SLCO2A1: variants seen among roughly 807,000 people sequenced by gnomAD.
SLCO2A1 encodes matrin F/G 1.
In SLCO2A1, 60 loss-of-function variants were observed where a neutral mutation model predicts 71.7. The ratio of observed to expected loss-of-function variants is 0.84; its 90% CI spans 0.68 to 1.04. SLCO2A1 has a LOEUF of 1.04. Ranked by LOEUF, SLCO2A1 falls within the 50% of genes least tolerant of loss-of-function variation. The pLI is 0.00. For synonymous variants in SLCO2A1, 308 were observed against 326.7 expected (o/e 0.94, Z 0.62); for missense variants, 745 against 813.4 (o/e 0.92, Z 1.02).
intron 2 of SLCO2A1, among the ~76,000 whole-genome samples, chr3:133,977,355 C>G (rs1934484409): frequency 6.6e-6 from 1 of 152,170 alleles, no homozygotes; most frequent in Non-Finnish European, 1.5e-5. Flanking sequence ...AAATATTAAG[C>G]TCTTTCATTG....
At chr3:133,939,393 G>C (rs1303098469) in intron 11 of SLCO2A1, among the ~76,000 whole-genome samples, 2 of 152,174 alleles carry the variant, frequency 1.3e-5, no homozygotes, top group African/African-American at 4.8e-5. Flanking sequence ...AGGACTCTCT[G>C]TGCTCTGAGC....
intron 1 of SLCO2A1, among the ~76,000 whole-genome samples, chr3:134,018,644 C>T (rs1935510985): frequency 6.6e-6 from 1 of 152,146 alleles, no homozygotes; most frequent in African/African-American, 2.4e-5. Context: ...TGGCAGCAGT[C>T]ATCAACCACT....
chr3:133,970,068 C>T (rs1490151914), intron 3 of SLCO2A1, among the ~76,000 whole-genome samples: 1 of 152,202 alleles, frequency 6.6e-6, no homozygotes, highest in African/African-American at 2.4e-5. Flanking sequence ...CCATCCAGCC[C>T]ATAAGCTGTC....
At chr3:133,935,931 G>T in intron 12 of SLCO2A1, 34 bp from the exon 13 acceptor site, 1 of 1,538,144 alleles carries the variant, frequency 6.5e-7, no homozygotes, top group Non-Finnish European at 8.8e-7. Flanking sequence ...TGGTCAGGTG[G>T]AACTGCAGGC....
At chr3:134,021,153 T>G (rs971028364) in intron 1 of SLCO2A1, among the ~76,000 whole-genome samples, 14 of 152,250 alleles carry the variant, frequency 9.2e-5, no homozygotes, top group African/African-American at 3.4e-4. Context: ...ACTGCAAAAG[T>G]GTGTGCGTGC....
At chr3:134,026,042 C>T (rs562269379) in intron 1 of SLCO2A1, among the ~76,000 whole-genome samples, 12 of 152,130 alleles carry the variant, frequency 7.9e-5, no homozygotes, top group South Asian at 4.2e-4. Flanking sequence ...ATGGGAAGCC[C>T]GAGAATTAGT....
chr3:133,951,785 A>G (rs73861270), intron 5 of SLCO2A1, among the ~76,000 whole-genome samples: 3,614 of 152,278 alleles, frequency 0.024, 154 homozygotes, highest in African/African-American at 0.08. Flanking sequence ...CCCTTGCCTC[A>G]GGTAAAGGCT....
At chr3:134,019,310 A>C (rs1559960445) in intron 1 of SLCO2A1, among the ~76,000 whole-genome samples, 1 of 152,208 alleles carries the variant, frequency 6.6e-6, no homozygotes, top group Non-Finnish European at 1.5e-5. Flanking sequence ...GGTTGTAATG[A>C]GGATTAAATA....
chr3:133,990,833 A>G (rs935557578), intron 1 of SLCO2A1, among the ~76,000 whole-genome samples: 3 of 152,036 alleles, frequency 2.0e-5, no homozygotes, highest in African/African-American at 7.2e-5. Context: ...CATCTGGCCA[A>G]GCATAGTGGC....
Position 133,979,503 on chromosome 3 carries a change from C to A in SLCO2A1, c.212G>T (p.Gly71Val), listed in dbSNP as rs1460856296. The part of the protein sequence containing the change: ...KRFGLSSSSS[G>V]LISSLNEISN... ...CACCTCATTCAAGCTGGAAATGAGACCCGATGAAGAACTGGAGAGCCCAAA... is the reference window on the plus strand; with the variant it reads ...CACCTCATTCAAGCTGGAAATGAGAACCGATGAAGAACTGGAGAGCCCAAA... Residue 71 changes from glycine (G) to valine (V), a missense_variant, in exon 2 of 14, where the codon GGT becomes GTT. Transcript: ENST00000310926. 6.2e-7 allele frequency: 1 copy of A among 1,614,176 alleles called. No individual in the cohort carries two copies. Among genetic ancestry groups the A allele is most frequent in the Non-Finnish European group, 8.5e-7 (1 of 1,180,024 alleles).
chr3:133,946,447 T>C (rs576227040), intron 9 of SLCO2A1, among the ~76,000 whole-genome samples: 62 of 152,224 alleles, frequency 4.1e-4, no homozygotes, highest in African/African-American at 1.4e-3. Flanking sequence ...CTGTGACCCA[T>C]ATTGCTGTCT....
At chr3:133,966,137 A>G (rs76071362) in intron 3 of SLCO2A1, among the ~76,000 whole-genome samples, 3 of 152,200 alleles carry the variant, frequency 2.0e-5, no homozygotes, top group Non-Finnish European at 4.4e-5. Flanking sequence ...GGCTGCGTTC[A>G]GTTCCCAGCC....
intron 3 of SLCO2A1, among the ~76,000 whole-genome samples, chr3:133,972,609 A>G (rs2108054660): frequency 6.6e-6 from 1 of 152,334 alleles, no homozygotes; most frequent in East Asian, 1.9e-4. Context: ...CAAAGAAAAG[A>G]AAAGAACAAA....
At chr3:133,937,163 G>A (rs572601641) in intron 12 of SLCO2A1, among the ~76,000 whole-genome samples, 9 of 152,264 alleles carry the variant, frequency 5.9e-5, no homozygotes, top group African/African-American at 1.9e-4. Flanking sequence ...GCAGGAAAGG[G>A]CTCTTTAGAG....
At chr3:133,979,433 C>T (rs752223532) in intron 2 of SLCO2A1, 48 bp downstream of exon 2, 3 of 1,612,274 alleles carry the variant, frequency 1.9e-6, no homozygotes, top group Non-Finnish European at 2.5e-6. Flanking sequence ...ATCTTGTGGT[C>T]AGCGTGGTGC....
chr3:133,992,994 T>C (rs1346017124), intron 1 of SLCO2A1, among the ~76,000 whole-genome samples: 2 of 152,218 alleles, frequency 1.3e-5, no homozygotes, highest in African/African-American at 4.8e-5. Flanking sequence ...CTGTTAACAC[T>C]TAAGCCGTCC....
chr3:134,004,093 CGT>C (rs71139603), intron 1 of SLCO2A1, among the ~76,000 whole-genome samples: 3,577 of 149,526 alleles, frequency 0.024, 116 homozygotes, highest in African/African-American at 0.07. Context: ...TGAATCTCTT[CGT>C]GTGTGTGTGT....
chr3:133,962,896 A>AGG (rs1346380814), intron 3 of SLCO2A1, among the ~76,000 whole-genome samples: 1 of 152,098 alleles, frequency 6.6e-6, no homozygotes, highest in Admixed American at 6.5e-5. Context: ...CCTATCTTGG[A>AGG]GGGGTCTGGA....
At chr3:134,025,502 G>A (rs1935684929) in intron 1 of SLCO2A1, among the ~76,000 whole-genome samples, 1 of 152,102 alleles carries the variant, frequency 6.6e-6, no homozygotes, top group African/African-American at 2.4e-5. Context: ...AAAATTTGAT[G>A]CCTGTGCTGT....
Sources: gnomAD v4.1 joint callset for allele counts (sites outside exome capture counted in the v4.1 genomes callset) on GRCh38, gnomAD v4.1.1 for gene constraint, MANE v1.5 for transcripts, NCBI Gene and HGNC (gene_info 2026-07-23, HGNC 2026-07-21) for gene names.